The following PCDH17 variants were observed in gnomAD, a reference collection of about 807,000 sequenced individuals.
PCDH17 encodes the protein protocadherin 17.
In PCDH17, 21 loss-of-function variants were observed where a neutral mutation model predicts 67.7. The observed-to-expected ratio is 0.31, with a 90% confidence interval of 0.22 to 0.45. The LOEUF is 0.45. Ranked by LOEUF, PCDH17 falls within the 20% of genes least tolerant of loss-of-function variation. PCDH17 has a pLI of 1.00. For missense variants in PCDH17, 1,471 were observed against 1,564.8 expected (o/e 0.94, Z 1.01); for synonymous variants, 701 against 656.7 (o/e 1.07, Z -1.03).
rs1955904063 is a variant in PCDH17 at position 57,725,104 on chromosome 13, C to A, written c.3290C>A (p.Ala1097Glu). ...CCCTTCATGGCTTCCGATCAGATGG[C>A]AAGGGTCTTTGCAGATGTGCATTCC... ...DPPFMASDQM[A>E]RVFADVHSRA... The change falls in exon 4 of 4, where the codon GCA (alanine) becomes GAA (glutamate). Residue 1097 changes from alanine to glutamate, a missense_variant. Ala to Glu is a moderately radical substitution (Grantham distance 107). This residue lies in a region of PCDH17 where 297 missense variants were observed against 298.6 expected (regional missense o/e 0.99). Transcript: ENST00000377918. The A allele has an allele frequency of 6.2e-7, 1 of 1,614,134 alleles. No homozygotes were observed. Among genetic ancestry groups the A allele is most frequent in the Non-Finnish European group, 8.5e-7 (1 of 1,180,012 alleles).
At chr13:57,640,715 G>T (rs1056569562) in intron 1 of PCDH17, among the ~76,000 whole-genome samples, 3 of 151,980 alleles carry the variant, frequency 2.0e-5, no homozygotes, top group Non-Finnish European at 4.4e-5. Context: ...TGAGAAGATG[G>T]CAGGAGAGCT....
chr13:57,658,138 T>A (rs780468178), intron 1 of PCDH17, among the ~76,000 whole-genome samples: 5 of 152,008 alleles, frequency 3.3e-5, no homozygotes, highest in Non-Finnish European at 7.4e-5. Flanking sequence ...ATGCAAAAAA[T>A]AAATTTAAGT....
chr13:57,721,086 C>A (rs1955868606), intron 3 of PCDH17, among the ~76,000 whole-genome samples: 1 of 152,034 alleles, frequency 6.6e-6, no homozygotes, highest in Non-Finnish European at 1.5e-5. Flanking sequence ...ATAGGCAGAA[C>A]TGCCCACAGT....
Position 57,718,498 on chromosome 13 carries a change from T to C in PCDH17, c.2798-6114T>C, listed in dbSNP as rs139636318. ...AAGTCATAAGTGGAAATAATAATGT[T>C]TATGAATATAGATTGTTAAGGTACC... On this transcript the variant is annotated intron_variant, in intron 3 of 3. Transcript: ENST00000377918. Among the ~76,000 whole-genome samples, 344 of 152,174 alleles carry C rather than the reference T, an allele frequency of 2.3e-3. 4 individuals are homozygous for C. Among genetic ancestry groups the C allele is most frequent in the Middle Eastern group, 6.8e-3 (2 of 294 alleles).
Position 57,666,505 on chromosome 13 carries a change from G to A in PCDH17, c.2603G>A (p.Ser868Asn), listed in dbSNP as rs1323596649. The A allele has an allele frequency of 6.2e-7, 1 of 1,613,704 alleles. No individual in the cohort carries two copies. Among genetic ancestry groups the A allele is most frequent in the Admixed American group, 1.7e-5 (1 of 59,940 alleles). Residue 868 changes from serine (S) to asparagine (N), a missense_variant, in exon 2 of 4, where the codon AGC becomes AAC. Physicochemically the swap from Ser to Asn is conservative, Grantham distance 46. Coordinates refer to ENST00000377918, the MANE Select transcript of PCDH17 (RefSeq NM_001040429.3). ...NFPAEPNYMG[S>N]RQQFVQSSST... is the part of the protein sequence containing the mutation. Reference sequence around the variant, plus strand: ...CCCGCAGAGCCCAATTACATGGGCAGCAGGCAGCAGTTTGTTCAAAGGTAA... The same window carrying A: ...CCCGCAGAGCCCAATTACATGGGCAACAGGCAGCAGTTTGTTCAAAGGTAA...
chr13:57,704,706 T>C (rs1287369484), intron 3 of PCDH17, among the ~76,000 whole-genome samples: 1 of 152,030 alleles, frequency 6.6e-6, no homozygotes, highest in Admixed American at 6.6e-5. Context: ...TTTAAAGAAA[T>C]TGAAATAACA....
Position 57,724,601 on chromosome 13 carries a change from T to G in PCDH17, c.2798-11T>G. Reference sequence around the variant, plus strand: ...ATGATTGGATTTGCTGTTTTCTCTTTTGTTTTGCAGAACCAGAAGAGTGTG... The same window carrying G: ...ATGATTGGATTTGCTGTTTTCTCTTGTGTTTTGCAGAACCAGAAGAGTGTG... On this transcript the variant is annotated splice_polypyrimidine_tract_variant and intron_variant, in intron 3 of 3. Coordinates refer to ENST00000377918, the MANE Select transcript of PCDH17 (RefSeq NM_001040429.3). 1 of 1,596,446 alleles carries G rather than the reference T, an allele frequency of 6.3e-7. No individual in the cohort carries two copies. The highest frequency in any genetic ancestry group is 8.6e-7 in the Non-Finnish European group (1 of 1,168,360).
Position 57,632,508 on chromosome 13 carries a change from C to A in PCDH17, c.-39C>A. 3 of 1,587,010 alleles carry A rather than the reference C, an allele frequency of 1.9e-6. No homozygotes were observed. Among genetic ancestry groups the A allele is most frequent in the Non-Finnish European group, 2.6e-6 (3 of 1,166,354 alleles). ...GGCGCGCACTCCCTCTCTGGCTCCT[C>A]CAGTCCGATTGCTCCTGCCCCCACC... is the stretch of plus-strand genomic sequence containing the variant. On this transcript the variant is annotated 5_prime_UTR_variant, in exon 1 of 4. Transcript: ENST00000377918.
At position 57,724,561 on chromosome 13, in the gene PCDH17, T is replaced by G. The variant is rs375738896; in HGVS notation, c.2798-51T>G. ...AGCTGATCACAGCCTCTGTAGAAAT[T>G]TAAAGAAAACTCTAATGATTGGATT... On this transcript the variant is annotated intron_variant, in intron 3 of 3. Transcript: ENST00000377918. 6.7e-6 allele frequency: 10 copies of G among 1,483,102 alleles called. No individual in the cohort carries two copies. The African/African-American group carries it at 1.1e-4, about 17-fold the overall frequency. The allele number at this position is 1,483,102 out of a possible 1,614,324, so 91.9% of individuals were successfully genotyped here.
At chr13:57,701,257 G>A (rs1955660234) in intron 3 of PCDH17, among the ~76,000 whole-genome samples, 1 of 152,000 alleles carries the variant, frequency 6.6e-6, no homozygotes, top group South Asian at 2.1e-4. Flanking sequence ...GTGCTACTTT[G>A]TATCTCCCCC....
chr13:57,664,104 C>T (rs1955219544), intron 1 of PCDH17, among the ~76,000 whole-genome samples: 1 of 151,930 alleles, frequency 6.6e-6, no homozygotes, highest in African/African-American at 2.4e-5. Context: ...GGTCTCAATA[C>T]ATTGACAGGG....
At chr13:57,687,033 C>A (rs1481564557) in intron 3 of PCDH17, among the ~76,000 whole-genome samples, 2 of 151,976 alleles carry the variant, frequency 1.3e-5, no homozygotes, top group Non-Finnish European at 2.9e-5. Context: ...TAGGAAGTTT[C>A]CCAACTGCCA....
intron 3 of PCDH17, among the ~76,000 whole-genome samples, chr13:57,707,401 T>C: frequency 6.6e-6 from 1 of 151,088 alleles, no homozygotes; most frequent in East Asian, 2.0e-4. Flanking sequence ...CTGTAGATTT[T>C]CCTTTGCTTC....
Position 57,634,146 on chromosome 13 carries a change from A to G in PCDH17, c.1600A>G (p.Ile534Val). The change falls in exon 1 of 4, where the codon ATC becomes GTC. Residue 534 changes from isoleucine (I) to valine (V), a missense_variant. By Grantham distance (29) the Ile-to-Val change is conservative (BLOSUM62 3). Around this residue, in one of 3 missense-constraint regions of PCDH17, gnomAD observed 1,163 missense variants for 1,230.0 expected, o/e 0.95. Coordinates refer to ENST00000377918, the MANE Select transcript of PCDH17 (RefSeq NM_001040429.3). This position sits in a 1 kb window ranked among gnomAD's most constrained non-coding sequence, Gnocchi z 7.8. Reference protein sequence around the residue: ...YVSVNPTNGAIYALRSFNFEQ... With the variant: ...YVSVNPTNGAVYALRSFNFEQ... ...GTCTGTGAATCCCACGAACGGGGCC[A>G]TCTACGCCCTGCGCTCCTTTAACTT... is the stretch of plus-strand genomic sequence containing the variant. The G allele has an allele frequency of 6.2e-7, 1 of 1,613,628 alleles. No homozygotes were observed. The highest frequency in any genetic ancestry group is 8.5e-7 in the Non-Finnish European group (1 of 1,180,026).
At chr13:57,638,225 G>A (rs1317697808) in intron 1 of PCDH17, among the ~76,000 whole-genome samples, 1 of 152,044 alleles carries the variant, frequency 6.6e-6, no homozygotes, top group East Asian at 1.9e-4. Flanking sequence ...CAATATTCCT[G>A]TGAATTATTT....
chr13:57,639,375 A>G (rs910144835), intron 1 of PCDH17, among the ~76,000 whole-genome samples: 1 of 151,884 alleles, frequency 6.6e-6, no homozygotes, highest in Admixed American at 6.6e-5. Flanking sequence ...AAAAATTGTT[A>G]TCATCATTAT....
intron 3 of PCDH17, among the ~76,000 whole-genome samples, chr13:57,681,504 C>A (rs946698583): frequency 1.3e-5 from 2 of 151,622 alleles, no homozygotes; most frequent in Non-Finnish European, 1.5e-5. Flanking sequence ...TGTTTTGGTG[C>A]TTATATAGAT....
chr13:57,640,010 T>C (rs1331738079), intron 1 of PCDH17, among the ~76,000 whole-genome samples: 1 of 152,014 alleles, frequency 6.6e-6, no homozygotes, highest in Non-Finnish European at 1.5e-5. Flanking sequence ...AGTGCATAGA[T>C]GCAGATTTTG....
At chr13:57,630,612 C>G (rs534339632), upstream of PCDH17, among the ~76,000 whole-genome samples, 1 of 152,124 alleles carries the variant, frequency 6.6e-6, no homozygotes, top group Admixed American at 6.5e-5. Flanking sequence ...AAAGCAGACG[C>G]CTTGTTTTCC....
Sources: allele counts gnomAD v4.1 joint callset (sites outside exome capture counted in the v4.1 genomes callset), GRCh38; gene constraint gnomAD v4.1.1; regional missense constraint gnomAD v4.1.1; non-coding constraint Gnocchi (gnomAD v3.1); transcripts MANE v1.5; gene names NCBI Gene and HGNC (gene_info 2026-07-23, HGNC 2026-07-21).